Variants in PIP5K1C observed in about 807,000 individuals in gnomAD.
The protein encoded by PIP5K1C is phosphatidylinositol-4-phosphate 5-kinase type 1 gamma.
In PIP5K1C, 45 loss-of-function variants were observed where a neutral mutation model predicts 80.1. That is an observed-to-expected ratio of 0.56 (90% CI 0.44 to 0.72). PIP5K1C has a LOEUF of 0.72. Among genes scored for constraint, PIP5K1C ranks in the 30% least tolerant of loss-of-function variants. The probability of loss-of-function intolerance (pLI) is 0.00; values close to 1 mark genes in which losing one functional copy is unlikely to be tolerated. For synonymous variants in PIP5K1C, 498 were observed against 420.1 expected (o/e 1.19, Z -2.27); for missense variants, 753 against 954.6 (o/e 0.79, Z 2.78).
intron 5 of PIP5K1C, 40 bp from the exon 6 acceptor site, chr19:3,656,597 C>G (rs773667000): frequency 5.0e-6 from 8 of 1,610,842 alleles, no homozygotes; most frequent in Admixed American, 1.7e-5. Flanking sequence ...CCCAAGCTGC[C>G]GGACACACAG....
rs374497446 is a variant in PIP5K1C at position 3,638,896 on chromosome 19, G to C, written c.1908C>G (p.Thr636=). 1.2e-6 allele frequency: 2 copies of C among 1,613,012 alleles called. No homozygotes were observed. The highest frequency in any genetic ancestry group is 8.5e-7 in the Non-Finnish European group (1 of 1,179,934). Reference sequence around the variant, plus strand: ...CCGGGGCACTTACAAAGTAGATGTCGGTGGCGGGCGCGTCCTCCTCGTCCG... The same window carrying C: ...CCGGGGCACTTACAAAGTAGATGTCCGTGGCGGGCGCGTCCTCCTCGTCCG... ...QASDEEDAPA[T]DIYFPTDERS... Residue 636 remains threonine, a synonymous_variant, in exon 16 of 18, where the codon ACC becomes ACG. Transcript: ENST00000335312.
chr19:3,661,138 AC>A, intron 4 of PIP5K1C, 55 bp from the exon 5 acceptor site: 1 of 1,192,060 alleles, frequency 8.4e-7, no homozygotes. Flanking sequence ...CCTCTCCCCC[AC>A]CCCCGCCATG....
At chr19:3,656,715 G>C (rs2034647036) in intron 5 of PIP5K1C, among the ~76,000 whole-genome samples, 158 bp from the exon 6 acceptor site, 1 of 152,222 alleles carries the variant, frequency 6.6e-6, no homozygotes, top group Admixed American at 6.5e-5. Context: ...ACTTGCCTGA[G>C]GCTAGCCAGC....
chr19:3,671,612 G>A (rs988875781), intron 1 of PIP5K1C, among the ~76,000 whole-genome samples: 5 of 152,230 alleles, frequency 3.3e-5, no homozygotes, highest in Non-Finnish European at 5.9e-5. Flanking sequence ...GGAGGCACTC[G>A]GTTGGGGGAC....
In PIP5K1C at chr19:3,648,585, C is replaced by T. The variant is rs534969316; in HGVS notation, c.1211+40G>A. ...GCGCCCACCTGTGGGACTGCAGACC[C>T]GGGGCGTCCACCTGTAGGACTGCAG... On this transcript the variant is annotated intron_variant, in intron 9 of 17. Transcript: ENST00000335312. The surrounding 1 kb of genome is among the most constrained non-coding windows in gnomAD (Gnocchi z 4.3). The T allele has an allele frequency of 1.7e-5, 27 of 1,565,520 alleles. No individual in the cohort carries two copies. Among genetic ancestry groups the T allele is most frequent in the African/African-American group, 1.2e-4 (9 of 73,860 alleles).
intron 3 of PIP5K1C, among the ~76,000 whole-genome samples, chr19:3,663,993 C>G (rs1220223559): frequency 2.6e-5 from 4 of 152,284 alleles, no homozygotes; most frequent in African/African-American, 9.6e-5. Flanking sequence ...CAGCAAAGGA[C>G]AAGTGCAGCA....
At chr19:3,657,567 C>T (rs2034676209) in intron 5 of PIP5K1C, among the ~76,000 whole-genome samples, 1 of 152,138 alleles carries the variant, frequency 6.6e-6, no homozygotes, top group Admixed American at 6.5e-5. Context: ...TGCGTGCCGC[C>T]TCCAATGCTG....
At chr19:3,636,903 T>A in intron 16 of PIP5K1C, 1 of 1,002,578 alleles carries the variant, frequency 1.0e-6, no homozygotes, top group African/African-American at 1.7e-5. Context: ...GCCCTGAGGA[T>A]CTCACAGCTA....
Position 3,637,669 on chromosome 19 carries a change from T to G in PIP5K1C, c.1920+1215A>C, listed in dbSNP as rs982425118. 3.3e-6 allele frequency: 5 copies of G among 1,507,066 alleles called. No homozygotes were observed. Among genetic ancestry groups the G allele is most frequent in the Non-Finnish European group, 4.4e-6 (5 of 1,131,968 alleles). The allele number at this position is 1,507,066 out of a possible 1,614,324, so 93.4% of individuals were successfully genotyped here. A position where few individuals can be genotyped will look rare whatever the true frequency, so the allele number is the denominator to read the frequency against. On this transcript the variant is annotated intron_variant, in intron 16 of 17. Coordinates refer to ENST00000335312, the MANE Select transcript of PIP5K1C (RefSeq NM_012398.3). This position sits in a 1 kb window ranked among gnomAD's most constrained non-coding sequence, Gnocchi z 7.0. Reference sequence around the variant, plus strand: ...AGGAAGGAAAACAGAGGACAGCGGATGAGGCGGCCACCCCCGTGGTCGGGT... The same window carrying G: ...AGGAAGGAAAACAGAGGACAGCGGAGGAGGCGGCCACCCCCGTGGTCGGGT...
chr19:3,698,202 G>C (rs1000695645), intron 1 of PIP5K1C, among the ~76,000 whole-genome samples: 2 of 152,238 alleles, frequency 1.3e-5, no homozygotes, highest in Admixed American at 6.5e-5. Context: ...CGATGGTGGA[G>C]AGGCCGGAAA....
chr19:3,663,146 G>A (rs1173330386), intron 3 of PIP5K1C, among the ~76,000 whole-genome samples: 1 of 152,226 alleles, frequency 6.6e-6, no homozygotes, highest in African/African-American at 2.4e-5. Context: ...GATTCCAGGA[G>A]TGAGCCTCCG....
At chr19:3,678,104 A>AATGGAGGGATGGAGAG (rs1357359705) in intron 1 of PIP5K1C, among the ~76,000 whole-genome samples, 5 of 73,776 alleles carry the variant, frequency 6.8e-5, no homozygotes, top group African/African-American at 1.6e-4. Context: ...AGGGAGGGAG[A>AATGGAGGGATGGAGAG]ATGGAGGGAT....
chr19:3,676,743 A>G (rs2035371563), intron 1 of PIP5K1C, among the ~76,000 whole-genome samples: 1 of 152,252 alleles, frequency 6.6e-6, no homozygotes, highest in African/African-American at 2.4e-5. Context: ...ACGAAATTCA[A>G]CATGAATTTC....
At chr19:3,666,451 A>G (rs1168301264) in intron 2 of PIP5K1C, among the ~76,000 whole-genome samples, 1 of 152,384 alleles carries the variant, frequency 6.6e-6, no homozygotes, top group East Asian at 1.9e-4. Context: ...ACCCATGTAC[A>G]TGCAGATGTG....
chr19:3,689,925 G>A (rs1393942611), intron 1 of PIP5K1C, among the ~76,000 whole-genome samples: 2 of 152,124 alleles, frequency 1.3e-5, no homozygotes, highest in Non-Finnish European at 2.9e-5. Flanking sequence ...GGTCTTCACT[G>A]TAGCATTCTT....
intron 1 of PIP5K1C, among the ~76,000 whole-genome samples, chr19:3,670,822 G>A (rs576806051): frequency 6.6e-6 from 1 of 152,352 alleles, no homozygotes; most frequent in East Asian, 1.9e-4. Flanking sequence ...GCAGGGGCGG[G>A]GACGGGGACG....
Position 3,653,464 on chromosome 19 carries a change from G to A in PIP5K1C, c.747C>T (p.His249=), listed in dbSNP as rs776427952. ...TGGAGCCCTTGAGGTCGAACTTGAGGTGCATCTTGACCACGCGGGGCAGGA... is the reference window on the plus strand; with the variant it reads ...TGGAGCCCTTGAGGTCGAACTTGAGATGCATCTTGACCACGCGGGGCAGGA... The part of the protein sequence containing the change: ...NNILPRVVKM[H]LKFDLKGSTY... The change falls in exon 7 of 18, where the codon CAC becomes CAT. Residue 249 remains histidine, a synonymous_variant. Transcript: ENST00000335312. The A allele has an allele frequency of 2.5e-6, 4 of 1,613,844 alleles. No individual in the cohort carries two copies. The highest frequency in any genetic ancestry group is 3.3e-5 in the Admixed American group (2 of 60,026).
rs574718418 is a variant in PIP5K1C at position 3,661,795 on chromosome 19, C to T, written c.350+76G>A. The T allele has an allele frequency of 1.2e-4, 194 of 1,565,596 alleles. 3 individuals are homozygous for T. The East Asian group carries it at 2.5e-3, about 20-fold the overall frequency. Reference sequence around the variant, plus strand: ...AGGTGCTGCTTTCAGCAGAGAAGGGCGCTCAGGACAGGCCACTCCGCCTCA... The same window carrying T: ...AGGTGCTGCTTTCAGCAGAGAAGGGTGCTCAGGACAGGCCACTCCGCCTCA... On this transcript the variant is annotated intron_variant, in intron 4 of 17. Transcript: ENST00000335312.
At chr19:3,657,478 T>C (rs1055492236) in intron 5 of PIP5K1C, among the ~76,000 whole-genome samples, 1 of 152,114 alleles carries the variant, frequency 6.6e-6, no homozygotes, top group Non-Finnish European at 1.5e-5. Flanking sequence ...CAGCTCCCCA[T>C]CAGCGGAGCA....
Sources: gnomAD v4.1 joint callset for allele counts (sites outside exome capture counted in the v4.1 genomes callset) on GRCh38, gnomAD v4.1.1 for gene constraint, Gnocchi (gnomAD v3.1) non-coding constraint, MANE v1.5 for transcripts, NCBI Gene and HGNC (gene_info 2026-07-23, HGNC 2026-07-21) for gene names.